The following ITPR1 variants were observed in gnomAD, a reference collection of about 807,000 sequenced individuals.
The protein encoded by ITPR1 is inositol 1,4,5-trisphosphate receptor type 1.
ITPR1 carries 96 observed loss-of-function variants against 318.4 expected under a neutral mutation model. The ratio of observed to expected loss-of-function variants is 0.30; its 90% CI spans 0.26 to 0.36. ITPR1 has a LOEUF of 0.36. Ranked by LOEUF, ITPR1 falls within the 10% of genes least tolerant of loss-of-function variation. The pLI is 1.00. For missense variants in ITPR1, 2,440 were observed against 3,460.2 expected (o/e 0.71, Z 7.40); for synonymous variants, 1,312 against 1,289.9 (o/e 1.02, Z -0.37).
At chr3:4,701,854 T>C (rs2094659497) in intron 35 of ITPR1, among the ~76,000 whole-genome samples, 1 of 152,216 alleles carries the variant, frequency 6.6e-6, no homozygotes, top group African/African-American at 2.4e-5. Flanking sequence ...GTTCTGAATT[T>C]TTAATTAATC....
At chr3:4,522,266 G>A (rs1356025078) in intron 4 of ITPR1, among the ~76,000 whole-genome samples, 1 of 152,168 alleles carries the variant, frequency 6.6e-6, no homozygotes, top group African/African-American at 2.4e-5. Flanking sequence ...CACTGGGTTA[G>A]GTATTTGACT....
At chr3:4,830,745 T>C (rs1675388743) in intron 60 of ITPR1, among the ~76,000 whole-genome samples, 1 of 152,150 alleles carries the variant, frequency 6.6e-6, no homozygotes, top group Non-Finnish European at 1.5e-5. Flanking sequence ...AAAGACCATC[T>C]TCGCCTCCTT....
At chr3:4,705,416 C>A (rs1384045940) in intron 36 of ITPR1, among the ~76,000 whole-genome samples, 1 of 152,166 alleles carries the variant, frequency 6.6e-6, no homozygotes, top group East Asian at 1.9e-4. Context: ...AGGCTCGATT[C>A]GAATTTCACC....
chr3:4,717,296 A>G (rs1559761006), intron 39 of ITPR1, 71 bp from the exon 40 acceptor site: 3 of 1,307,520 alleles, frequency 2.3e-6, no homozygotes, highest in Admixed American at 1.7e-5. Context: ...AGTAAAGTCT[A>G]TAAACTTGGC....
At chr3:4,708,836 A>T (rs530776250) in intron 37 of ITPR1, among the ~76,000 whole-genome samples, 1 of 152,356 alleles carries the variant, frequency 6.6e-6, no homozygotes, top group African/African-American at 2.4e-5. Context: ...TCACTCGCAA[A>T]CAGACCACTT....
At chr3:4,811,227 T>C (rs772559354) in intron 55 of ITPR1, 38 bp from the exon 56 acceptor site, 2 of 1,444,172 alleles carry the variant, frequency 1.4e-6, no homozygotes, top group South Asian at 1.5e-5. Context: ...ACATCTAACA[T>C]CAAGGCTTCT....
chr3:4,796,112 G>A (rs7620553), intron 53 of ITPR1, among the ~76,000 whole-genome samples: 3 of 152,270 alleles, frequency 2.0e-5, no homozygotes, highest in African/African-American at 7.2e-5. Context: ...AGACATCAAC[G>A]GAAGCAGACA....
intron 53 of ITPR1, among the ~76,000 whole-genome samples, chr3:4,795,473 G>A (rs1342485511): frequency 6.6e-6 from 1 of 152,146 alleles, no homozygotes; most frequent in Non-Finnish European, 1.5e-5. Flanking sequence ...TTATATATGA[G>A]GAAACTATGT....
At chr3:4,723,767 T>G (rs1412049354) in intron 40 of ITPR1, among the ~76,000 whole-genome samples, 1 of 151,998 alleles carries the variant, frequency 6.6e-6, no homozygotes, top group African/African-American at 2.4e-5. Context: ...CTATAATTCT[T>G]TTGTTCTGAT....
rs147734616 is a variant in ITPR1 at position 4,815,885 on chromosome 3, A to G, written c.7867+667A>G. Among the ~76,000 whole-genome samples, 241 of 152,234 alleles carry G rather than the reference A, an allele frequency of 1.6e-3. 2 individuals carry two copies. Among genetic ancestry groups the G allele is most frequent in the African/African-American group, 4.7e-3 (197 of 41,544 alleles). The stretch of plus-strand genomic sequence containing the variant: ...ACCTTTTTAAGCTTTTTGCTTTGGC[A>G]TAATTTCAGAGTTATAGAAAAGACA... On this transcript the variant is annotated intron_variant, in intron 59 of 61. Transcript: ENST00000649015.
chr3:4,683,490 C>T lies in ITPR1; in HGVS notation c.3266C>T (p.Ala1089Val), dbSNP rs1391996488. 6.2e-7 allele frequency: 1 copy of T among 1,614,054 alleles called. No individual in the cohort carries two copies. Among genetic ancestry groups the T allele is most frequent in the Non-Finnish European group, 8.5e-7 (1 of 1,179,894 alleles). ...GACTACCCACCCCTGGTGTCAGGGGCCCTGCAGCTCCTCTTCCGGCACTTC... is the reference window on the plus strand; with the variant it reads ...GACTACCCACCCCTGGTGTCAGGGGTCCTGCAGCTCCTCTTCCGGCACTTC... The part of the protein sequence containing the change: ...MHDYPPLVSG[A>V]LQLLFRHFSQ... The change falls in exon 27 of 62, where the codon GCC (alanine) becomes GTC (valine). Residue 1089 changes from alanine to valine, a missense_variant. This residue lies in a region of ITPR1 where 76 missense variants were observed against 132.2 expected (regional missense o/e 0.58). Transcript: ENST00000649015.
At chr3:4,634,548 AG>A (rs1463683908) in intron 5 of ITPR1, among the ~76,000 whole-genome samples, 2 of 152,188 alleles carry the variant, frequency 1.3e-5, no homozygotes, top group African/African-American at 4.8e-5. Flanking sequence ...GACATGATGA[AG>A]GTGTTTTTGA....
At chr3:4,662,932 G>T in intron 15 of ITPR1, 133 bp from the exon 16 acceptor site, 1 of 669,496 alleles carries the variant, frequency 1.5e-6, no homozygotes, top group Non-Finnish European at 2.6e-6. Context: ...TCTGTTGTCA[G>T]TTTCAAAGAA....
intron 61 of ITPR1, among the ~76,000 whole-genome samples, chr3:4,841,045 T>A (rs948758184): frequency 1.3e-5 from 2 of 152,146 alleles, no homozygotes; most frequent in African/African-American, 4.8e-5. Context: ...ACAGAAGGCA[T>A]AACACAAGAT....
intron 4 of ITPR1, among the ~76,000 whole-genome samples, chr3:4,616,542 T>A (rs907444869): frequency 1.3e-4 from 20 of 152,236 alleles, no homozygotes; most frequent in African/African-American, 4.8e-4. Context: ...TCACTGCTTG[T>A]GTATATCACC....
At chr3:4,531,828 T>C (rs1418985869) in intron 4 of ITPR1, among the ~76,000 whole-genome samples, 1 of 152,186 alleles carries the variant, frequency 6.6e-6, no homozygotes, top group African/African-American at 2.4e-5. Flanking sequence ...ACTGAACCTT[T>C]GTGTGCAGGC....
At chr3:4,529,266 C>A (rs1338937904) in intron 4 of ITPR1, among the ~76,000 whole-genome samples, 1 of 152,204 alleles carries the variant, frequency 6.6e-6, no homozygotes, top group Non-Finnish European at 1.5e-5. Context: ...TCACTATGTG[C>A]ATAAAATGCT....
chr3:4,667,545 C>A lies in ITPR1; in HGVS notation c.1882C>A (p.Pro628Thr). ...CAGCCTGGTGCGAAAGAACAGGGAGCCCAGGTGAGGCGGGAGTGGGGTCCA... is the reference window on the plus strand; with the variant it reads ...CAGCCTGGTGCGAAAGAACAGGGAGACCAGGTGAGGCGGGAGTGGGGTCCA... ...FVSLVRKNRE[P>T]RFLDYLSDLC... Residue 628 changes from proline (P) to threonine (T), a missense_variant, in exon 18 of 62, where the codon CCC becomes ACC. Transcript: ENST00000649015. 6.2e-7 allele frequency: 1 copy of A among 1,612,256 alleles called. No homozygotes were observed. The highest frequency in any genetic ancestry group is 8.5e-7 in the Non-Finnish European group (1 of 1,179,060).
intron 4 of ITPR1, among the ~76,000 whole-genome samples, chr3:4,596,768 T>C (rs977796064): frequency 6.6e-6 from 1 of 152,210 alleles, no homozygotes; most frequent in African/African-American, 2.4e-5. Context: ...CCTGGCAGTG[T>C]TTAAACCCCA....
Sources: gnomAD v4.1 joint callset for allele counts (sites outside exome capture counted in the v4.1 genomes callset) on GRCh38, gnomAD v4.1.1 for gene constraint, gnomAD v4.1.1 regional missense constraint, MANE v1.5 for transcripts, NCBI Gene and HGNC (gene_info 2026-07-23, HGNC 2026-07-21) for gene names.